The following TENM1 variants were observed in gnomAD, a reference collection of about 807,000 sequenced individuals.
The protein encoded by TENM1 is teneurin transmembrane protein 1, also known as teneurin-1.
In TENM1, 35 loss-of-function variants were observed where a neutral mutation model predicts 174.8. The observed-to-expected ratio is 0.20, with a 90% CI of 0.15 to 0.27. The LOEUF (loss-of-function observed/expected upper bound fraction) is 0.27, where lower values mean the gene tolerates loss of function less well. Ranked by LOEUF, TENM1 falls within the 10% of genes least tolerant of loss-of-function variation. The pLI, the probability that TENM1 is intolerant of heterozygous loss-of-function variation, is 1.00. For synonymous variants in TENM1, 781 were observed against 798.7 expected, an observed-to-expected ratio of 0.98 and a Z score of 0.37; for missense variants, 1,633 against 2,130.1, an observed-to-expected ratio of 0.77 and a Z score of 4.59.
the TENM1 span, among the ~76,000 whole-genome samples, chrX:125,001,794 C>T: frequency 9.2e-6 from 1 of 108,665 alleles, no homozygotes; most frequent in Admixed American, 1.0e-4. Flanking sequence ...TATATATACA[C>T]CTCTCTCTAC....
intron 1 of TENM1, among the ~76,000 whole-genome samples, chrX:124,918,383 C>A (rs1469603809): frequency 9.1e-6 from 1 of 109,915 alleles, no homozygotes; most frequent in Non-Finnish European, 1.9e-5. Context: ...TTTCACCATG[C>A]TGGCCAGGCT....
chrX:124,405,846 T>C (rs1396009586), intron 26 of TENM1, among the ~76,000 whole-genome samples: 1 of 110,530 alleles, frequency 9.0e-6, no homozygotes, highest in Non-Finnish European at 1.9e-5. Flanking sequence ...TCCTTTCTTC[T>C]TCTGTTCTTC....
At chrX:124,460,817 T>C (rs1404106115) in intron 22 of TENM1, among the ~76,000 whole-genome samples, 1 of 110,580 alleles carries the variant, frequency 9.0e-6, no homozygotes, top group East Asian at 2.8e-4. Context: ...CACTATGCCA[T>C]GTAGCTTAAA....
intron 3 of TENM1, among the ~76,000 whole-genome samples, chrX:124,787,949 T>C (rs1346886528): frequency 9.0e-6 from 1 of 111,662 alleles, no homozygotes; most frequent in Non-Finnish European, 1.9e-5. Flanking sequence ...TGGGGAGGCC[T>C]CAAAATCATG....
chrX:124,609,041 C>A (rs2050224304), intron 11 of TENM1, among the ~76,000 whole-genome samples: 1 of 110,691 alleles, frequency 9.0e-6, no homozygotes, highest in African/African-American at 3.3e-5. Flanking sequence ...GAAATTGATA[C>A]CACTGAAAAG....
At chrX:124,722,260 C>T (rs1168565215) in intron 4 of TENM1, among the ~76,000 whole-genome samples, 1 of 112,128 alleles carries the variant, frequency 8.9e-6, no homozygotes, top group Non-Finnish European at 1.9e-5. Context: ...GTCATGTTAG[C>T]ATCTATGCTG....
At chrX:124,763,294 C>G (rs930290417) in intron 3 of TENM1, among the ~76,000 whole-genome samples, 5 of 111,190 alleles carry the variant, frequency 4.5e-5, no homozygotes, top group Admixed American at 1.9e-4. Context: ...AATGGCAGAG[C>G]AGCAGAAGTA....
At chrX:124,590,976 T>C (rs2049723312) in intron 11 of TENM1, among the ~76,000 whole-genome samples, 1 of 112,321 alleles carries the variant, frequency 8.9e-6, no homozygotes, top group Non-Finnish European at 1.9e-5. Flanking sequence ...CCTTTATCAT[T>C]ATGTAATGAC....
intron 21 of TENM1, among the ~76,000 whole-genome samples, chrX:124,485,958 A>G (rs1442169574): frequency 8.9e-6 from 1 of 112,113 alleles, no homozygotes; most frequent in Non-Finnish European, 1.9e-5. Flanking sequence ...CTTAGAAAAT[A>G]GAATAGCCCA....
upstream of TENM1, among the ~76,000 whole-genome samples, chrX:124,964,151 A>G (rs2058696049): frequency 8.9e-6 from 1 of 112,596 alleles, no homozygotes; most frequent in Non-Finnish European, 1.9e-5. Flanking sequence ...CAGTGGTTAG[A>G]TTAAAAAACG....
At chrX:124,968,982 A>G in the TENM1 span, among the ~76,000 whole-genome samples, 1 of 112,228 alleles carries the variant, frequency 8.9e-6, no homozygotes, top group African/African-American at 3.2e-5. Flanking sequence ...CAAATACTCT[A>G]TGGTAAAGGA....
At chrX:124,709,547 T>C (rs1409833149) in intron 4 of TENM1, among the ~76,000 whole-genome samples, 1 of 109,251 alleles carries the variant, frequency 9.2e-6, no homozygotes, top group Non-Finnish European at 1.9e-5. Flanking sequence ...AATCATCTAG[T>C]AGCCCATCCC....
intron 4 of TENM1, among the ~76,000 whole-genome samples, chrX:124,722,980 T>G (rs2053351987): frequency 9.0e-6 from 1 of 111,238 alleles, no homozygotes; most frequent in Admixed American, 9.6e-5. Flanking sequence ...TTCTATATAC[T>G]TTATCATTAA....
At chrX:125,186,622 T>A in the TENM1 span, among the ~76,000 whole-genome samples, 7 of 108,491 alleles carry the variant, frequency 6.5e-5, no homozygotes, top group South Asian at 2.9e-3. Flanking sequence ...CTCTCTCTCA[T>A]CATTTAATCT....
At chrX:124,718,114 C>T (rs16999408) in intron 4 of TENM1, among the ~76,000 whole-genome samples, 1 of 112,135 alleles carries the variant, frequency 8.9e-6, no homozygotes, top group Admixed American at 9.5e-5. Context: ...TTTCTGTGTC[C>T]TTGTAAGCTT....
At chrX:124,629,767 A>G (rs1039120247) in intron 11 of TENM1, among the ~76,000 whole-genome samples, 3 of 112,190 alleles carry the variant, frequency 2.7e-5, no homozygotes, top group Non-Finnish European at 5.6e-5. Flanking sequence ...CTTTTATAAC[A>G]TTCTGATAGT....
At chrX:124,608,010 T>C (rs981035738) in intron 11 of TENM1, among the ~76,000 whole-genome samples, 7 of 110,921 alleles carry the variant, frequency 6.3e-5, no homozygotes, top group Admixed American at 1.9e-4. Flanking sequence ...TTTAGTGAGA[T>C]GGGGAAGACT....
chrX:125,084,275 T>C, the TENM1 span, among the ~76,000 whole-genome samples: 1 of 110,383 alleles, frequency 9.1e-6, no homozygotes, highest in Non-Finnish European at 1.9e-5. Context: ...AAATCTTTAT[T>C]GAATACTACT....
At chrX:124,601,602 A>T (rs1487765340) in intron 11 of TENM1, among the ~76,000 whole-genome samples, 2 of 111,297 alleles carry the variant, frequency 1.8e-5, no homozygotes, top group African/African-American at 3.3e-5. Flanking sequence ...GAATAACAAA[A>T]TGAGGTAACC....
Sources: allele counts gnomAD v4.1 joint callset (sites outside exome capture counted in the v4.1 genomes callset), GRCh38; gene constraint gnomAD v4.1.1; transcripts MANE v1.5; gene names NCBI Gene and HGNC (gene_info 2026-07-23, HGNC 2026-07-21).